Variants in NECAB1 observed in about 807,000 individuals in gnomAD.
NECAB1 encodes the protein N-terminal EF-hand calcium-binding protein 1.
Under a neutral mutation model 57.5 loss-of-function variants are expected in NECAB1, and 29 were observed. The observed-to-expected ratio is 0.50, with a 90% CI of 0.38 to 0.69. The LOEUF is 0.69. Among genes scored for constraint, NECAB1 ranks in the 30% least tolerant of loss-of-function variants. The pLI is 0.00. For missense variants in NECAB1, 372 were observed against 413.8 expected (o/e 0.90, Z 0.88); for synonymous variants, 142 against 147.7 (o/e 0.96, Z 0.28).
chr8:90,872,215 T>G lies in NECAB1; in HGVS notation c.259+62T>G, dbSNP rs1287834643. 3.9e-6 allele frequency: 5 copies of G among 1,293,936 alleles called. No homozygotes were observed. In the Admixed American group the frequency reaches 1.2e-4, roughly 31 times the overall value. The allele number at this position is 1,293,936 out of a possible 1,614,324, so 80.2% of individuals were successfully genotyped here. ...TGCTTAAGAAGGAAAAAGAGTATTG[T>G]CTGATATATATCAACCTTGGAATTA... On this transcript the variant is annotated intron_variant, in intron 4 of 12. Coordinates refer to ENST00000417640, the MANE Select transcript of NECAB1 (RefSeq NM_022351.5).
intron 2 of NECAB1, among the ~76,000 whole-genome samples, chr8:90,809,772 G>A (rs971445897): frequency 6.6e-6 from 1 of 152,078 alleles, no homozygotes; most frequent in Non-Finnish European, 1.5e-5. Flanking sequence ...CTAGTAATAA[G>A]TGATATTTCT....
intron 3 of NECAB1, among the ~76,000 whole-genome samples, chr8:90,850,573 G>A (rs1326961169): frequency 6.6e-6 from 1 of 150,544 alleles, no homozygotes; most frequent in Non-Finnish European, 1.5e-5. Context: ...TAAATGTGTA[G>A]CATGTGATAC....
At chr8:90,904,378 A>T (rs1809582234) in intron 5 of NECAB1, among the ~76,000 whole-genome samples, 1 of 151,970 alleles carries the variant, frequency 6.6e-6, no homozygotes, top group Non-Finnish European at 1.5e-5. Flanking sequence ...ATGTGGGATT[A>T]AAAATAGGAG....
intron 2 of NECAB1, among the ~76,000 whole-genome samples, chr8:90,815,118 A>G (rs1586037746): frequency 6.6e-6 from 1 of 152,200 alleles, no homozygotes; most frequent in East Asian, 1.9e-4. Context: ...TCCTAGCCTC[A>G]GCCACCTATT....
At chr8:90,872,104 T>C in intron 3 of NECAB1, 24 bp from the exon 4 acceptor site, 1 of 1,497,696 alleles carries the variant, frequency 6.7e-7, no homozygotes, top group Non-Finnish European at 9.0e-7. Context: ...AATAACACTG[T>C]TTTTTTTTGT....
At chr8:90,803,488 A>C (rs539292350) in intron 2 of NECAB1, among the ~76,000 whole-genome samples, 1 of 152,152 alleles carries the variant, frequency 6.6e-6, no homozygotes, top group African/African-American at 2.4e-5. Context: ...TCTTCTTTCC[A>C]TCAAAATTAG....
At chr8:90,853,163 A>G (rs748581798) in intron 3 of NECAB1, among the ~76,000 whole-genome samples, 1 of 152,240 alleles carries the variant, frequency 6.6e-6, no homozygotes, top group Admixed American at 6.5e-5. Flanking sequence ...GCTCACCTGC[A>G]TGCTGCCTCC....
chr8:90,841,361 A>G (rs1377438290), intron 3 of NECAB1, among the ~76,000 whole-genome samples: 2 of 152,184 alleles, frequency 1.3e-5, no homozygotes, highest in Non-Finnish European at 2.9e-5. Context: ...TTCAAGATTA[A>G]TATCTCCCTT....
intron 6 of NECAB1, among the ~76,000 whole-genome samples, chr8:90,918,201 G>A (rs574897441): frequency 2.5e-4 from 38 of 151,168 alleles, no homozygotes; most frequent in African/African-American, 8.0e-4. Context: ...TAGAAGAGAC[G>A]GGGTTTCACT....
intron 5 of NECAB1, among the ~76,000 whole-genome samples, chr8:90,907,177 A>AGG: frequency 1.4e-5 from 2 of 147,008 alleles, no homozygotes; most frequent in African/African-American, 5.3e-5. Context: ...AGAGAGAGAG[A>AGG]GAGAGAGAGA....
intron 5 of NECAB1, among the ~76,000 whole-genome samples, chr8:90,899,719 A>G (rs1473254836): frequency 6.6e-6 from 1 of 152,148 alleles, no homozygotes; most frequent in East Asian, 1.9e-4. Context: ...TGATTTTTGT[A>G]TGTGTTTATT....
At chr8:90,858,548 T>C (rs1317564955) in intron 3 of NECAB1, among the ~76,000 whole-genome samples, 1 of 151,562 alleles carries the variant, frequency 6.6e-6, no homozygotes, top group African/African-American at 2.4e-5. Context: ...TCCATGAATA[T>C]CTGAGACTGA....
chr8:90,920,181 T>A (rs372991617), intron 6 of NECAB1, among the ~76,000 whole-genome samples: 2 of 152,316 alleles, frequency 1.3e-5, no homozygotes, highest in South Asian at 4.1e-4. Context: ...TGCTGTTGTA[T>A]GGCATTTGAC....
At chr8:90,796,552 TTTTAG>T (rs1336316231) in intron 1 of NECAB1, among the ~76,000 whole-genome samples, 1 of 152,226 alleles carries the variant, frequency 6.6e-6, no homozygotes. Context: ...GAATAAGGAA[TTTTAG>T]TTGAGGCCAT....
At chr8:90,943,111 C>T (rs1202689365) in intron 10 of NECAB1, among the ~76,000 whole-genome samples, 4 of 152,134 alleles carry the variant, frequency 2.6e-5, no homozygotes, top group African/African-American at 4.8e-5. Flanking sequence ...GGGAAAATGA[C>T]CTCGAGCTAC....
At chr8:90,917,840 C>CTATATATATATATATATATATATATA (rs34288387) in intron 6 of NECAB1, among the ~76,000 whole-genome samples, 27 of 47,314 alleles carry the variant, frequency 5.7e-4, no homozygotes, top group Admixed American at 1.0e-3. Context: ...ATTTAGTAAA[C>CTATATATATATATATATATATATATA]TATATATATA....
intron 2 of NECAB1, 62 bp downstream of exon 2, chr8:90,801,777 ATAAT>A (rs776696995): frequency 1.9e-5 from 21 of 1,116,448 alleles, no homozygotes; most frequent in Non-Finnish European, 2.7e-5. Flanking sequence ...TACCTTATAA[ATAAT>A]AATCAGGAAA....
At chr8:90,877,158 G>T (rs548891969) in intron 4 of NECAB1, among the ~76,000 whole-genome samples, 88 of 152,100 alleles carry the variant, frequency 5.8e-4, no homozygotes, top group Non-Finnish European at 1.0e-3. Flanking sequence ...CTTCCCTCCT[G>T]CCTACCACAT....
At chr8:90,843,345 CT>C (rs1203097501) in intron 3 of NECAB1, among the ~76,000 whole-genome samples, 1 of 152,216 alleles carries the variant, frequency 6.6e-6, no homozygotes, top group South Asian at 2.1e-4. Context: ...TTGCTGGTCT[CT>C]TTCCCCCCAT....
Sources: allele counts gnomAD v4.1 joint callset (sites outside exome capture counted in the v4.1 genomes callset), GRCh38; gene constraint gnomAD v4.1.1; transcripts MANE v1.5; gene names NCBI Gene and HGNC (gene_info 2026-07-23, HGNC 2026-07-21).